The following TNR variants were observed in gnomAD, a reference collection of about 807,000 sequenced individuals.
The protein encoded by TNR is tenascin-R.
In TNR, 45 loss-of-function variants were observed where a neutral mutation model predicts 150.4. That is an observed-to-expected ratio of 0.30 (90% CI 0.24 to 0.38). TNR has a LOEUF of 0.38. TNR is among the 10% of genes least tolerant of loss of function. The pLI is 1.00. For synonymous variants in TNR, 687 were observed against 678.4 expected (o/e 1.01, Z -0.20); for missense variants, 1,544 against 1,759.1 (o/e 0.88, Z 2.19).
intron 1 of TNR, among the ~76,000 whole-genome samples, chr1:175,640,088 C>T (rs1215975227): frequency 6.6e-6 from 1 of 152,194 alleles, no homozygotes; most frequent in Non-Finnish European, 1.5e-5. Context: ...AAATCAGTTA[C>T]ATAAAGCTTC....
intron 6 of TNR, among the ~76,000 whole-genome samples, chr1:175,392,458 C>A (rs1653220725): frequency 6.6e-6 from 1 of 152,178 alleles, no homozygotes. Context: ...CCCTGGTCAG[C>A]CTCTCTTTTA....
chr1:175,453,228 CAAG>C (rs1288450300), intron 2 of TNR, among the ~76,000 whole-genome samples: 1 of 152,060 alleles, frequency 6.6e-6, no homozygotes, highest in Non-Finnish European at 1.5e-5. Flanking sequence ...AGAAAAGTTG[CAAG>C]AATAGGGCAG....
rs1651777724 is a variant in TNR, at chr1:175,365,236, G to A, written c.2361C>T (p.Ser787=). The A allele has an allele frequency of 6.2e-7, 1 of 1,613,684 alleles. No individual in the cohort carries two copies. Among genetic ancestry groups the A allele is most frequent in the African/African-American group, 1.3e-5 (1 of 74,910 alleles). ...CACTCCAAGTGATGTTCACACTGGA[G>A]GAGGTCACATGAGAAAAGTGCAGAT... ...ISHLHFSHVT[S]SSVNITWSDP... The change falls in exon 12 of 23, where the codon TCC becomes TCT. Residue 787 remains serine, a synonymous_variant. Coordinates refer to ENST00000367674, the MANE Select transcript of TNR (RefSeq NM_003285.3).
intron 2 of TNR, among the ~76,000 whole-genome samples, chr1:175,492,316 G>C (rs1029874281): frequency 6.6e-6 from 1 of 152,202 alleles, no homozygotes; most frequent in African/African-American, 2.4e-5. Flanking sequence ...TCTGCAGATG[G>C]ACTGGCATTT....
chr1:175,421,284 G>C (rs548186553), intron 2 of TNR, among the ~76,000 whole-genome samples: 1 of 152,310 alleles, frequency 6.6e-6, no homozygotes, highest in African/African-American at 2.4e-5. Context: ...GATTTCCCTA[G>C]CAACAACTCA....
At chr1:175,487,957 GA>G (rs1236274242) in intron 2 of TNR, among the ~76,000 whole-genome samples, 1 of 152,150 alleles carries the variant, frequency 6.6e-6, no homozygotes, top group African/African-American at 2.4e-5. Flanking sequence ...AGAGTGTGTG[GA>G]TGGCTGTGAG....
intron 18 of TNR, among the ~76,000 whole-genome samples, chr1:175,353,506 T>C (rs1476039958): frequency 6.6e-6 from 1 of 152,210 alleles, no homozygotes. Flanking sequence ...AACAGCTGCA[T>C]TTAGAAGTAG....
At chr1:175,734,683 C>T (rs1448588792) in intron 1 of TNR, among the ~76,000 whole-genome samples, 3 of 152,220 alleles carry the variant, frequency 2.0e-5, no homozygotes, top group Non-Finnish European at 4.4e-5. Context: ...TGTTTGAAGC[C>T]GCTTGGTTTT....
At chr1:175,522,866 A>C (rs1021327092) in intron 2 of TNR, among the ~76,000 whole-genome samples, 3 of 152,240 alleles carry the variant, frequency 2.0e-5, no homozygotes, top group Admixed American at 6.5e-5. Flanking sequence ...AGACAATTTA[A>C]ATTTGTCTTT....
chr1:175,539,301 C>G (rs1382278717), intron 1 of TNR: 2 of 152,216 alleles, frequency 1.3e-5, no homozygotes, highest in African/African-American at 4.8e-5. Context: ...TAGAAAATGG[C>G]TACTGCTCTT....
chr1:175,332,590 G>T (rs1650000792), intron 20 of TNR, among the ~76,000 whole-genome samples: 1 of 152,130 alleles, frequency 6.6e-6, no homozygotes, highest in South Asian at 2.1e-4. Context: ...ATCAAGTAAA[G>T]ACTTCTCTTT....
At chr1:175,511,234 T>TGCATAGCAA (rs1448982903) in intron 2 of TNR, among the ~76,000 whole-genome samples, 3 of 152,236 alleles carry the variant, frequency 2.0e-5, no homozygotes, top group Non-Finnish European at 4.4e-5. Context: ...CAACAGAGCA[T>TGCATAGCAA]GCATAGCAAA....
intron 18 of TNR, among the ~76,000 whole-genome samples, chr1:175,339,731 C>A: frequency 6.6e-6 from 1 of 152,178 alleles, no homozygotes; most frequent in South Asian, 2.1e-4. Context: ...GCAATAAACT[C>A]AGCTTCTTGA....
chr1:175,628,757 G>A (rs1664235164), intron 1 of TNR, among the ~76,000 whole-genome samples: 1 of 152,102 alleles, frequency 6.6e-6, no homozygotes, highest in Non-Finnish European at 1.5e-5. Flanking sequence ...TTGCAAGTTG[G>A]CCCAGTGCCA....
At chr1:175,536,255 A>G (rs888446797) in intron 1 of TNR, among the ~76,000 whole-genome samples, 1 of 152,034 alleles carries the variant, frequency 6.6e-6, no homozygotes, top group Non-Finnish European at 1.5e-5. Flanking sequence ...GGCTGGTTGA[A>G]TTTTTTCAAC....
chr1:175,508,601 G>T (rs1022049641), intron 2 of TNR, among the ~76,000 whole-genome samples: 28 of 152,340 alleles, frequency 1.8e-4, no homozygotes, highest in African/African-American at 5.8e-4. Flanking sequence ...GCCATGTAAA[G>T]TAGCCCTGTG....
intron 2 of TNR, among the ~76,000 whole-genome samples, chr1:175,520,152 C>T (rs1288813725): frequency 1.3e-5 from 2 of 152,126 alleles, no homozygotes; most frequent in African/African-American, 4.8e-5. Context: ...ATCTTAACTC[C>T]TCTCAGGACT....
chr1:175,526,975 A>G (rs1003613787), intron 2 of TNR, among the ~76,000 whole-genome samples: 1 of 152,268 alleles, frequency 6.6e-6, no homozygotes, highest in African/African-American at 2.4e-5. Flanking sequence ...CCTCTGTGCC[A>G]GGAGGTGGCT....
At chr1:175,331,797 G>T (rs573429755) in intron 20 of TNR, among the ~76,000 whole-genome samples, 4 of 152,302 alleles carry the variant, frequency 2.6e-5, no homozygotes, top group Admixed American at 6.5e-5. Context: ...AGAGACTGAA[G>T]GGAATTTAGT....
Sources: allele counts gnomAD v4.1 joint callset (sites outside exome capture counted in the v4.1 genomes callset), GRCh38; gene constraint gnomAD v4.1.1; transcripts MANE v1.5; gene names NCBI Gene and HGNC (gene_info 2026-07-23, HGNC 2026-07-21).